The following CTTNBP2NL variants were observed in gnomAD, a reference collection of about 807,000 sequenced individuals.
CTTNBP2NL encodes the protein CTTNBP2 N-terminal-like protein.
Under a neutral mutation model 32.5 loss-of-function variants are expected in CTTNBP2NL, and 16 were observed. The observed-to-expected ratio is 0.49, with a 90% CI of 0.33 to 0.75. The LOEUF (loss-of-function observed/expected upper bound fraction) is 0.75. CTTNBP2NL is among the 30% of genes least tolerant of loss of function. The pLI is 0.02. For synonymous variants in CTTNBP2NL, 298 were observed against 289.4 expected (o/e 1.03, Z -0.30); for missense variants, 645 against 756.0 (o/e 0.85, Z 1.72).
At chr1:112,447,048 G>C (rs1420330137) in intron 3 of CTTNBP2NL, among the ~76,000 whole-genome samples, 1 of 152,064 alleles carries the variant, frequency 6.6e-6, no homozygotes, top group Non-Finnish European at 1.5e-5. Context: ...GCCAAGGCGG[G>C]TGGATCACGA....
intron 2 of CTTNBP2NL, among the ~76,000 whole-genome samples, chr1:112,414,068 A>C (rs1648980621): frequency 6.7e-6 from 1 of 149,072 alleles, no homozygotes. Context: ...AATAAATAAA[A>C]AGAAAAAGAA....
At chr1:112,454,368 T>C in intron 4 of CTTNBP2NL, 81 bp from the exon 5 acceptor site, 1 of 1,024,940 alleles carries the variant, frequency 9.8e-7, no homozygotes, top group Non-Finnish European at 1.5e-6. Context: ...CTAAGGTGCC[T>C]GATTTGGCAC....
In CTTNBP2NL at chr1:112,457,050, A is replaced by C. The variant is rs772701894; in HGVS notation, c.1558A>C (p.Lys520Gln). ...ATTCACTAGCCAACAAGGGCCAATC[A>C]AGCCAGTCTCTCCCAACAGCTCTCC... ...SRFTSQQGPI[K>Q]PVSPNSSPFG... Residue 520 changes from lysine (K) to glutamine (Q), a missense_variant, in exon 6 of 6, where the codon AAG becomes CAG. Coordinates refer to ENST00000271277, the MANE Select transcript of CTTNBP2NL (RefSeq NM_018704.3). The C allele has an allele frequency of 6.2e-7, 1 of 1,614,138 alleles. No homozygotes were observed. Among genetic ancestry groups the C allele is most frequent in the Non-Finnish European group, 8.5e-7 (1 of 1,180,014 alleles).
chr1:112,401,123 CA>C (rs1198566247), intron 1 of CTTNBP2NL, among the ~76,000 whole-genome samples: 1 of 152,120 alleles, frequency 6.6e-6, no homozygotes, highest in Non-Finnish European at 1.5e-5. Context: ...TAATATTCAA[CA>C]TTATTTTACC....
At chr1:112,444,111 T>C (rs896344882) in intron 3 of CTTNBP2NL, among the ~76,000 whole-genome samples, 3 of 152,234 alleles carry the variant, frequency 2.0e-5, no homozygotes, top group African/African-American at 7.2e-5. Context: ...ATTGTCTCTT[T>C]AGTGGCAAAA....
At chr1:112,437,216 A>G (rs975502865) in intron 3 of CTTNBP2NL, among the ~76,000 whole-genome samples, 3 of 152,194 alleles carry the variant, frequency 2.0e-5, no homozygotes, top group African/African-American at 7.2e-5. Flanking sequence ...ACTACTTTCC[A>G]CAATGGTTGA....
intron 3 of CTTNBP2NL, among the ~76,000 whole-genome samples, chr1:112,417,074 A>G (rs1225417759): frequency 6.6e-6 from 1 of 152,110 alleles, no homozygotes; most frequent in African/African-American, 2.4e-5. Context: ...CAATCCCTTC[A>G]TAATTAGGAT....
At chr1:112,404,493 G>A (rs1316516926) in intron 1 of CTTNBP2NL, among the ~76,000 whole-genome samples, 13 of 152,082 alleles carry the variant, frequency 8.5e-5, no homozygotes, top group East Asian at 5.8e-4. Context: ...AATCAATGAC[G>A]TCATCATCCT....
chr1:112,394,924 T>G (rs1055202766), upstream of CTTNBP2NL, among the ~76,000 whole-genome samples: 2 of 152,242 alleles, frequency 1.3e-5, no homozygotes, highest in Non-Finnish European at 2.9e-5. Flanking sequence ...AGGATAGATT[T>G]CTCATACAGC....
rs1649089605 is a variant in CTTNBP2NL, at chr1:112,417,058, C to G, written c.99+794C>G. 2.0e-5 allele frequency among the ~76,000 whole-genome samples: 3 copies of G among 152,198 alleles called. No homozygotes were observed. In the South Asian group the frequency reaches 6.2e-4, roughly 31 times the overall value. On this transcript the variant is annotated intron_variant, in intron 3 of 5. Transcript: ENST00000271277. ...CTCACTTCTTTGCCCCATTTATCAT[C>G]TGTCTCAATCCCTTCATAATTAGGA...
intron 1 of CTTNBP2NL, among the ~76,000 whole-genome samples, chr1:112,403,019 A>C (rs1648550487): frequency 6.6e-6 from 1 of 152,100 alleles, no homozygotes; most frequent in African/African-American, 2.4e-5. Context: ...ACCTCAGCTG[A>C]TCTGGGATTA....
chr1:112,435,093 A>C (rs1268114736), intron 3 of CTTNBP2NL, among the ~76,000 whole-genome samples: 1 of 147,476 alleles, frequency 6.8e-6, no homozygotes. Flanking sequence ...TAGCAAGCCG[A>C]GATCACACCA....
At chr1:112,426,756 A>G (rs1201035759) in intron 3 of CTTNBP2NL, among the ~76,000 whole-genome samples, 1 of 151,736 alleles carries the variant, frequency 6.6e-6, no homozygotes, top group Non-Finnish European at 1.5e-5. Context: ...ACAGTTGCCC[A>G]CCACCACACC....
chr1:112,407,322 G>T (rs1050439737), intron 1 of CTTNBP2NL, among the ~76,000 whole-genome samples: 2 of 152,122 alleles, frequency 1.3e-5, no homozygotes, highest in Non-Finnish European at 2.9e-5. Flanking sequence ...CCACAGATGG[G>T]GTGGCTTAAA....
chr1:112,450,435 T>A (rs1650181471), intron 4 of CTTNBP2NL, among the ~76,000 whole-genome samples: 1 of 152,214 alleles, frequency 6.6e-6, no homozygotes, highest in Admixed American at 6.5e-5. Flanking sequence ...CTGAAAACAT[T>A]TACACTCCAA....
chr1:112,418,884 T>C (rs543786632), intron 3 of CTTNBP2NL, among the ~76,000 whole-genome samples: 71 of 152,206 alleles, frequency 4.7e-4, no homozygotes, highest in Non-Finnish European at 9.1e-4. Context: ...AATAGTTTAT[T>C]TCTGAATATT....
chr1:112,427,032 A>G (rs1300404103), intron 3 of CTTNBP2NL, among the ~76,000 whole-genome samples: 3 of 152,198 alleles, frequency 2.0e-5, no homozygotes, highest in Admixed American at 6.5e-5. Flanking sequence ...ATTGGTTTTA[A>G]TATTTTATTG....
rs1243198080 is a variant in CTTNBP2NL at position 112,457,708 on chromosome 1, ATTT to A, written c.*297_*299del. Reference sequence around the variant, plus strand: ...ATCACCAGGTGGTGATTTGCTATCTATTTGAGAACTAGAATCACTCAACACTCA... The same window carrying A: ...ATCACCAGGTGGTGATTTGCTATCTAGAGAACTAGAATCACTCAACACTCA... On this transcript the variant is annotated 3_prime_UTR_variant, in exon 6 of 6. Transcript: ENST00000271277. 2 of 284,424 alleles carry A rather than the reference ATTT, an allele frequency of 7.0e-6. No individual in the cohort carries two copies. The highest frequency in any genetic ancestry group is 6.6e-6 in the Non-Finnish European group (1 of 152,008). The allele number at this position is 284,424 out of a possible 1,614,324, so 17.6% of individuals were successfully genotyped here.
chr1:112,395,724 A>C (rs1307301592), upstream of CTTNBP2NL, among the ~76,000 whole-genome samples: 1 of 107,488 alleles, frequency 9.3e-6, no homozygotes, highest in Non-Finnish European at 1.7e-5. Flanking sequence ...AGGCGCTTCC[A>C]GAAAAAAGAA....
Sources: gnomAD v4.1 joint callset for allele counts (sites outside exome capture counted in the v4.1 genomes callset) on GRCh38, gnomAD v4.1.1 for gene constraint, MANE v1.5 for transcripts, NCBI Gene and HGNC (gene_info 2026-07-23, HGNC 2026-07-21) for gene names.